The following EML6 variants were observed in gnomAD, a reference collection of about 807,000 sequenced individuals.
The protein encoded by EML6 is echinoderm microtubule-associated protein-like 6.
EML6 carries 154 observed loss-of-function variants against 240.1 expected under a neutral mutation model. The ratio of observed to expected loss-of-function variants is 0.64; its 90% CI spans 0.56 to 0.73. The LOEUF (loss-of-function observed/expected upper bound fraction) is 0.73, where lower values mean the gene tolerates loss of function less well. Among genes scored for constraint, EML6 ranks in the 30% least tolerant of loss-of-function variants. EML6 has a pLI of 0.00. For synonymous variants in EML6, 1,148 were observed against 899.0 expected (o/e 1.28, Z -4.95); for missense variants, 2,964 against 2,474.6 (o/e 1.20, Z -4.20).
rs1676115592 is a variant in EML6 at position 54,954,050 on chromosome 2, C to G, written c.4380C>G (p.Phe1460Leu). The G allele has an allele frequency of 6.4e-7, 1 of 1,551,894 alleles. No individual in the cohort carries two copies. Among genetic ancestry groups the G allele is most frequent in the Non-Finnish European group, 8.7e-7 (1 of 1,147,028 alleles). ...ACACCCTCTCCATGCTGCGGTGCTT[C>G]CACTCCAAGGGGGTGAATTACATCA... ...TKHTLSMLRC[F>L]HSKGVNYINF... The change falls in exon 32 of 42, where the codon TTC becomes TTG. Residue 1460 changes from phenylalanine to leucine, a missense_variant. By Grantham distance (22) the Phe-to-Leu change is conservative. Coordinates refer to ENST00000356458, the MANE Select transcript of EML6 (RefSeq NM_001039753.4).
At chr2:54,788,613 TCAAA>T (rs1669222082) in intron 2 of EML6, among the ~76,000 whole-genome samples, 1 of 152,210 alleles carries the variant, frequency 6.6e-6, no homozygotes, top group Admixed American at 6.5e-5. Context: ...AGCAAAATGA[TCAAA>T]CAAGATTTCG....
At chr2:54,797,532 G>C (rs1288993758) in intron 2 of EML6, among the ~76,000 whole-genome samples, 13 of 152,002 alleles carry the variant, frequency 8.6e-5, no homozygotes. Context: ...AAATATTTTG[G>C]TTTCCTAGTG....
chr2:54,779,113 G>C (rs1252062160), intron 2 of EML6, among the ~76,000 whole-genome samples: 1 of 152,102 alleles, frequency 6.6e-6, no homozygotes, highest in South Asian at 2.1e-4. Context: ...GAACCAACAG[G>C]AAGAAAAAGC....
At chr2:54,938,081 C>T (rs1675242403) in intron 28 of EML6, among the ~76,000 whole-genome samples, 1 of 152,212 alleles carries the variant, frequency 6.6e-6, no homozygotes, top group African/African-American at 2.4e-5. Flanking sequence ...TGCTGTGGCT[C>T]ACGCCTGTAA....
chr2:54,892,460 G>C lies in EML6; in HGVS notation c.2546G>C (p.Gly849Ala). The C allele has an allele frequency of 6.4e-7, 1 of 1,550,478 alleles. No homozygotes were observed. Among genetic ancestry groups the C allele is most frequent in the Non-Finnish European group, 8.7e-7 (1 of 1,145,972 alleles). The change falls in exon 19 of 42, where the codon GGC becomes GCC. Residue 849 changes from glycine to alanine, a missense_variant. Physicochemically the swap from Gly to Ala is moderately conservative, Grantham distance 60. Coordinates refer to ENST00000356458, the MANE Select transcript of EML6 (RefSeq NM_001039753.4). ...TGTTCTTGGTCCACTCTAGGTGGGG[G>C]CTTCACTTCTAAAAGAGGAACTTTT... Reference protein sequence around the residue: ...HIKFWQQAGGGFTSKRGTFGS... With the variant: ...HIKFWQQAGGAFTSKRGTFGS...
At chr2:54,809,451 C>G (rs1448600881) in intron 2 of EML6, among the ~76,000 whole-genome samples, 2 of 152,176 alleles carry the variant, frequency 1.3e-5, no homozygotes, top group African/African-American at 2.4e-5. Flanking sequence ...GGACAGGGTT[C>G]TTTGCATCAC....
At chr2:54,847,719 T>G in intron 9 of EML6, 96 bp downstream of exon 9, 1 of 1,354,284 alleles carries the variant, frequency 7.4e-7, no homozygotes, top group South Asian at 1.4e-5. Flanking sequence ...TTAGGAAAAA[T>G]CCATTTAGCC....
At chr2:54,796,474 G>A (rs1334035487) in intron 2 of EML6, among the ~76,000 whole-genome samples, 3 of 151,538 alleles carry the variant, frequency 2.0e-5, no homozygotes, top group African/African-American at 7.3e-5. Flanking sequence ...TAAAGTGAGC[G>A]CTTTTTTGTT....
intron 2 of EML6, among the ~76,000 whole-genome samples, chr2:54,797,164 C>CAAAAAAAAAAAAAAAAAAAAAAAAAAAAA (rs773498648): frequency 2.5e-4 from 11 of 43,828 alleles, no homozygotes; most frequent in South Asian, 1.1e-3. Context: ...GACTCCATCT[C>CAAAAAAAAAAAAAAAAAAAAAAAAAAAAA]AAAAAAAAAA....
In EML6 at chr2:54,903,192, A is replaced by G. The variant is rs1191527450; in HGVS notation, c.3273A>G (p.Ser1091=). Residue 1091 remains serine, a synonymous_variant, in exon 23 of 42, where the codon TCA becomes TCG. Coordinates refer to ENST00000356458, the MANE Select transcript of EML6 (RefSeq NM_001039753.4). ...RKEMISDIKF[S]KDTGKYLAVA... ...AAATGATCTCTGATATTAAGTTTTC[A>G]AAAGGTGAAGATGACAGCAGATACT... The G allele has an allele frequency of 1.5e-5, 23 of 1,551,810 alleles. No homozygotes were observed. Among genetic ancestry groups the G allele is most frequent in the Non-Finnish European group, 1.9e-5 (22 of 1,146,884 alleles).
At chr2:54,881,761 C>G (rs1176377503) in intron 17 of EML6, 4 of 152,190 alleles carry the variant, frequency 2.6e-5, no homozygotes, top group African/African-American at 7.2e-5. Context: ...CCAAGAGGGC[C>G]TAATTCACAG....
intron 2 of EML6, among the ~76,000 whole-genome samples, chr2:54,755,832 C>T (rs1572861078): frequency 3.3e-5 from 5 of 151,770 alleles, no homozygotes; most frequent in Admixed American, 3.3e-4. Flanking sequence ...GCTAATTTTT[C>T]TATTTTTAGT....
intron 2 of EML6, among the ~76,000 whole-genome samples, chr2:54,740,409 A>G (rs1683578908): frequency 6.6e-6 from 1 of 151,620 alleles, no homozygotes; most frequent in South Asian, 2.1e-4. Context: ...CAGACTCAGC[A>G]GAGTAGAAGA....
rs1668535298 is a variant in EML6 at position 54,774,957 on chromosome 2, A to T, written c.198-38275A>T. On this transcript the variant is annotated intron_variant, in intron 2 of 41. Coordinates refer to ENST00000356458, the MANE Select transcript of EML6 (RefSeq NM_001039753.4). The surrounding 1 kb of genome is among the most constrained non-coding windows in gnomAD (Gnocchi z 4.1). Reference sequence around the variant, plus strand: ...ATTGTTGACATTCATTACTTTTGTTAACAAATGTGTCACATAGAAATTTCC... The same window carrying T: ...ATTGTTGACATTCATTACTTTTGTTTACAAATGTGTCACATAGAAATTTCC... 6.6e-6 allele frequency among the ~76,000 whole-genome samples: 1 copy of T among 152,188 alleles called. No individual in the cohort carries two copies. The highest frequency in any genetic ancestry group is 1.5e-5 in the Non-Finnish European group (1 of 68,036).
intron 11 of EML6, among the ~76,000 whole-genome samples, chr2:54,855,372 T>G (rs1020277630): frequency 4.6e-5 from 7 of 151,976 alleles, no homozygotes; most frequent in Non-Finnish European, 1.0e-4. Flanking sequence ...TCATGAAAAT[T>G]TGTTCACTTT....
chr2:54,837,816 G>A (rs1669233603), intron 7 of EML6, among the ~76,000 whole-genome samples: 1 of 152,174 alleles, frequency 6.6e-6, no homozygotes, highest in African/African-American at 2.4e-5. Flanking sequence ...TATCTGGGAG[G>A]GGCGCAAGCA....
intron 9 of EML6, 124 bp downstream of exon 9, chr2:54,847,747 A>AG: frequency 4.2e-6 from 4 of 945,444 alleles, no homozygotes; most frequent in Non-Finnish European, 4.5e-6. Flanking sequence ...TAGGAATACT[A>AG]TAGATCTACG....
intron 14 of EML6, 154 bp from the exon 15 acceptor site, chr2:54,869,027 A>G (rs1324968154): frequency 9.4e-6 from 5 of 533,860 alleles, no homozygotes; most frequent in African/African-American, 5.7e-5. Flanking sequence ...TCAGACGGCC[A>G]CATATCCTCA....
At position 54,834,087 on chromosome 2, in the gene EML6, C is replaced by A. The variant is rs189527510; in HGVS notation, c.847+4610C>A. On this transcript the variant is annotated intron_variant, in intron 7 of 41. Transcript: ENST00000356458. ...GGGGTGGTTGTCCTCCAATATACAT[C>A]TTAGTGAATATAAAATTCTGGAATT... 9.4e-4 allele frequency among the ~76,000 whole-genome samples: 143 copies of A among 152,248 alleles called. 3 individuals carry two copies. In the South Asian group the frequency reaches 0.015, roughly 16 times the overall value.
Sources: gnomAD v4.1 joint callset for allele counts (sites outside exome capture counted in the v4.1 genomes callset) on GRCh38, gnomAD v4.1.1 for gene constraint, Gnocchi (gnomAD v3.1) non-coding constraint, MANE v1.5 for transcripts, NCBI Gene and HGNC (gene_info 2026-07-23, HGNC 2026-07-21) for gene names.